The following AHI1 variants were observed in gnomAD, a reference collection of about 807,000 sequenced individuals.
AHI1 encodes the protein jouberin.
Under a neutral mutation model 149.3 loss-of-function variants are expected in AHI1, and 123 were observed. The observed-to-expected ratio is 0.82, with a 90% CI of 0.71 to 0.96. AHI1 has a LOEUF of 0.96. AHI1 is among the 40% of genes least tolerant of loss of function. The probability of loss-of-function intolerance (pLI) is 0.00; values close to 1 mark genes in which losing one functional copy is unlikely to be tolerated. For missense variants in AHI1, 1,439 were observed against 1,422.7 expected, an observed-to-expected ratio of 1.01 and a Z score of -0.18; for synonymous variants, 475 against 459.8, an observed-to-expected ratio of 1.03 and a Z score of -0.42.
intron 23 of AHI1, among the ~76,000 whole-genome samples, chr6:135,362,544 T>C (rs1384075478): frequency 6.6e-6 from 1 of 152,200 alleles, no homozygotes; most frequent in Non-Finnish European, 1.5e-5. Context: ...TATTTTTTGA[T>C]TATGGCCATT....
chr6:135,448,215 A>C, intron 12 of AHI1, 75 bp downstream of exon 12: 1 of 1,099,150 alleles, frequency 9.1e-7, no homozygotes, highest in Admixed American at 3.3e-5. Context: ...ATCTTTTTAG[A>C]AATGAAAAAC....
At chr6:135,302,013 A>G (rs866929909) in intron 26 of AHI1, 3 of 981,066 alleles carry the variant, frequency 3.1e-6, no homozygotes, top group Non-Finnish European at 3.6e-6. Flanking sequence ...TTTTTAAGAG[A>G]TTGGGTCATG....
intron 4 of AHI1, 131 bp from the exon 5 acceptor site, chr6:135,490,878 C>A: frequency 9.3e-7 from 1 of 1,081,004 alleles, no homozygotes. Context: ...GAAAAACTCA[C>A]CTATCTTTCC....
chr6:135,318,199 C>T (rs1449787938), intron 26 of AHI1, among the ~76,000 whole-genome samples: 5 of 152,200 alleles, frequency 3.3e-5, no homozygotes, highest in Non-Finnish European at 7.3e-5. Flanking sequence ...GGGCTGATGA[C>T]ACTGTCAGTA....
intron 13 of AHI1, 80 bp downstream of exon 13, chr6:135,446,928 C>A: frequency 7.3e-7 from 1 of 1,372,704 alleles, no homozygotes; most frequent in Non-Finnish European, 9.8e-7. Flanking sequence ...AAGTAGTAAG[C>A]TAGATATCCT....
chr6:135,428,592 C>A (rs771565843), intron 19 of AHI1, 37 bp downstream of exon 19: 3 of 1,574,526 alleles, frequency 1.9e-6, no homozygotes, highest in Non-Finnish European at 2.6e-6. Flanking sequence ...ACCCCTGTAC[C>A]TCCCCAAATG....
At chr6:135,335,446 T>TA (rs895237613) in intron 24 of AHI1, among the ~76,000 whole-genome samples, 47 of 145,782 alleles carry the variant, frequency 3.2e-4, no homozygotes, top group Middle Eastern at 3.5e-3. Context: ...AAAAGAAATT[T>TA]AAAAAAAAAA....
intron 23 of AHI1, among the ~76,000 whole-genome samples, chr6:135,378,032 T>A (rs949506108): frequency 6.6e-6 from 1 of 152,124 alleles, no homozygotes; most frequent in Admixed American, 6.5e-5. Flanking sequence ...CAGTTATTTA[T>A]AATTCTCCAT....
intron 24 of AHI1, among the ~76,000 whole-genome samples, chr6:135,343,232 CA>C (rs781474024): frequency 4.6e-5 from 7 of 151,386 alleles, no homozygotes; most frequent in Non-Finnish European, 8.9e-5. Flanking sequence ...ATAAATTTAA[CA>C]AAAAAAATGC....
At chr6:135,375,711 CTT>C (rs1325663937) in intron 23 of AHI1, among the ~76,000 whole-genome samples, 2 of 152,126 alleles carry the variant, frequency 1.3e-5, no homozygotes, top group Non-Finnish European at 2.9e-5. Flanking sequence ...TCAATATAAA[CTT>C]GATTTTGTAA....
chr6:135,332,565 A>G lies in AHI1; in HGVS notation c.3166-9241T>C, dbSNP rs74907003. The stretch of plus-strand genomic sequence containing the variant: ...CCAGACTAACAATCAAAATGAAGTC[A>G]CTCGTGCTGAAGTTCTATGTCATCA... On this transcript the variant is annotated intron_variant, in intron 24 of 28. Coordinates refer to ENST00000265602, the MANE Select transcript of AHI1 (RefSeq NM_001134831.2). Among the ~76,000 whole-genome samples, 949 of 152,304 alleles carry G rather than the reference A, an allele frequency of 6.2e-3. 29 individuals are homozygous for G. The highest frequency in any genetic ancestry group is 0.017 in the East Asian group (90 of 5,182).
chr6:135,407,876 C>T (rs1189357274), intron 21 of AHI1, among the ~76,000 whole-genome samples: 14 of 149,592 alleles, frequency 9.4e-5, no homozygotes, highest in Admixed American at 9.3e-4. Flanking sequence ...ACTAAAAATA[C>T]AAAAAAAAAT....
intron 22 of AHI1, among the ~76,000 whole-genome samples, chr6:135,399,078 G>A (rs1397788585): frequency 3.3e-5 from 5 of 152,174 alleles, no homozygotes; most frequent in Non-Finnish European, 7.4e-5. Flanking sequence ...CAGCTACCCA[G>A]GAGGCTGAGG....
chr6:135,357,064 G>A (rs207467460), intron 24 of AHI1, among the ~76,000 whole-genome samples: 2 of 151,996 alleles, frequency 1.3e-5, no homozygotes, highest in Non-Finnish European at 2.9e-5. Context: ...TCAGCCTCCC[G>A]AGTAGCTGGG....
intron 23 of AHI1, among the ~76,000 whole-genome samples, chr6:135,359,991 T>C (rs1321897691): frequency 2.0e-5 from 3 of 152,172 alleles, no homozygotes; most frequent in Non-Finnish European, 2.9e-5. Flanking sequence ...TCCAAAGTTA[T>C]AATCTTAGTT....
At chr6:135,435,951 T>C (rs1785337952) in intron 15 of AHI1, among the ~76,000 whole-genome samples, 1 of 152,046 alleles carries the variant, frequency 6.6e-6, no homozygotes, top group African/African-American at 2.4e-5. Flanking sequence ...GCTTGGGAGA[T>C]GGTGGATAAG....
rs544704305 is a variant in AHI1 at position 135,396,393 on chromosome 6, C to T, written c.2989-1497G>A. ...TATCTATACTTCAATGCGAATGTGC[C>T]AGGAAAGCAATAATGATGAACGGGT... On this transcript the variant is annotated intron_variant, in intron 22 of 28. Coordinates refer to ENST00000265602, the MANE Select transcript of AHI1 (RefSeq NM_001134831.2). 1.5e-3 allele frequency among the ~76,000 whole-genome samples: 227 copies of T among 151,690 alleles called. 1 individual carries two copies. Among genetic ancestry groups the T allele is most frequent in the African/African-American group, 5.3e-3 (219 of 41,452 alleles).
intron 22 of AHI1, among the ~76,000 whole-genome samples, chr6:135,401,594 G>A (rs1780032198): frequency 6.6e-6 from 1 of 150,502 alleles, no homozygotes; most frequent in African/African-American, 2.5e-5. Context: ...AAAGGGCAAA[G>A]CACTCTTTTC....
Position 135,448,389 on chromosome 6 carries a change from T to C in AHI1, c.1527A>G (p.Leu509=), listed in dbSNP as rs2128058989. The C allele has an allele frequency of 4.4e-6, 7 of 1,609,150 alleles. No homozygotes were observed. The highest frequency in any genetic ancestry group is 5.9e-6 in the Non-Finnish European group (7 of 1,176,768). Reference sequence around the variant, plus strand: ...ACCATTCAAATGCCTCAACAACACTTAATGGGGATCGAGGCTTAGTAGGTG... The same window carrying C: ...ACCATTCAAATGCCTCAACAACACTCAATGGGGATCGAGGCTTAGTAGGTG... ...YYPPTKPRSP[L]SVVEAFEWWS... The change falls in exon 12 of 29, where the codon TTA becomes TTG. Residue 509 remains leucine, a synonymous_variant. Transcript: ENST00000265602.
Sources: gnomAD v4.1 joint callset for allele counts (sites outside exome capture counted in the v4.1 genomes callset) on GRCh38, gnomAD v4.1.1 for gene constraint, MANE v1.5 for transcripts, NCBI Gene and HGNC (gene_info 2026-07-23, HGNC 2026-07-21) for gene names.